The following CDH1 variants were observed in gnomAD, a reference collection of about 807,000 sequenced individuals.
CDH1 encodes the protein cadherin-1.
A neutral mutation model predicts 84.5 loss-of-function variants in CDH1; 35 were observed. The observed-to-expected ratio is 0.41, with a 90% confidence interval of 0.32 to 0.55. CDH1 has a LOEUF of 0.55. Among genes scored for constraint, CDH1 ranks in the 20% least tolerant of loss-of-function variants. The pLI is 0.19. For missense variants in CDH1, 994 were observed against 1,126.6 expected, an observed-to-expected ratio of 0.88 and a Z score of 1.68; for synonymous variants, 417 against 439.0, an observed-to-expected ratio of 0.95 and a Z score of 0.63.
At chr16:68,814,796 G>A (rs1029108042) in intron 9 of CDH1, among the ~76,000 whole-genome samples, 6 of 151,724 alleles carry the variant, frequency 4.0e-5, no homozygotes, top group South Asian at 2.1e-4. Context: ...AGTGTATGGC[G>A]GTGGGCCCAA....
chr16:68,740,568 T>TG (rs1165017335), intron 2 of CDH1, among the ~76,000 whole-genome samples: 1 of 152,038 alleles, frequency 6.6e-6, no homozygotes, highest in Admixed American at 6.6e-5. Flanking sequence ...AGCATGCGTC[T>TG]GGGGTGTCCC....
chr16:68,822,511 C>T (rs904468032), intron 12 of CDH1: 1 of 548,656 alleles, frequency 1.8e-6, no homozygotes, highest in African/African-American at 1.9e-5. Context: ...CCAGGACCAT[C>T]TTCTCTGCTA....
At chr16:68,828,949 G>A (rs1020034000) in intron 14 of CDH1, among the ~76,000 whole-genome samples, 2 of 152,144 alleles carry the variant, frequency 1.3e-5, no homozygotes, top group African/African-American at 4.8e-5. Context: ...GGTGTACAGA[G>A]AAAAATATTG....
chr16:68,815,381 G>T, intron 9 of CDH1, 134 bp from the exon 10 acceptor site: 18 of 1,152,392 alleles, frequency 1.6e-5, no homozygotes, highest in Non-Finnish European at 2.2e-5. Context: ...GCCATTGAAA[G>T]TCATGGCAGA....
intron 2 of CDH1, among the ~76,000 whole-genome samples, chr16:68,779,426 C>T (rs1597869173): frequency 2.6e-5 from 4 of 152,212 alleles, no homozygotes; most frequent in Admixed American, 2.6e-4. Context: ...GTTATAGCTA[C>T]GTGGCCTTGG....
chr16:68,810,442 C>T lies in CDH1; in HGVS notation c.832+101C>T, dbSNP rs903967783. On this transcript the variant is annotated intron_variant, in intron 6 of 15. Transcript: ENST00000261769. ...CAAAGGTTGTGTAACTAAAGCTGAT[C>T]CTTCCTACGGACAGAACTTCTTGGC... The T allele has an allele frequency of 7.1e-6, 8 of 1,131,194 alleles. No individual in the cohort carries two copies. The South Asian group carries it at 7.5e-5, about 11-fold the overall frequency. 70.1% of individuals were successfully genotyped at this position (1,131,194 alleles called of 1,614,324 possible).
At chr16:68,739,929 T>A (rs1391374174) in intron 2 of CDH1, among the ~76,000 whole-genome samples, 1 of 152,136 alleles carries the variant, frequency 6.6e-6, no homozygotes, top group Non-Finnish European at 1.5e-5. Flanking sequence ...ATAATGATCT[T>A]TTTTTAAAAA....
At chr16:68,809,411 A>G (rs938764736) in intron 5 of CDH1, among the ~76,000 whole-genome samples, 1 of 152,148 alleles carries the variant, frequency 6.6e-6, no homozygotes, top group African/African-American at 2.4e-5. Context: ...CATGTTGGCC[A>G]GAGTGGTCTC....
Position 68,783,915 on chromosome 16 carries a change from A to T in CDH1, c.164-17755A>T, listed in dbSNP as rs1344160205. On this transcript the variant is annotated intron_variant, in intron 2 of 15. Transcript: ENST00000261769. ...TGGTCCTGAACTCCTGACCTCAAGC[A>T]ATCTACCCACCTCGGCCTCCCAAAG... Among the ~76,000 whole-genome samples the T allele has an allele frequency of 3.9e-5, 6 of 152,138 alleles. No homozygotes were observed. In the East Asian group the frequency reaches 1.2e-3, roughly 29 times the overall value.
chr16:68,744,557 C>T (rs1415930482), intron 2 of CDH1, among the ~76,000 whole-genome samples: 1 of 152,206 alleles, frequency 6.6e-6, no homozygotes, highest in South Asian at 2.1e-4. Flanking sequence ...TCCCTTTCTG[C>T]ACTTTTCATC....
intron 2 of CDH1, among the ~76,000 whole-genome samples, chr16:68,770,664 TTG>T (rs1959547280): frequency 6.6e-6 from 1 of 151,372 alleles, no homozygotes; most frequent in African/African-American, 2.4e-5. Context: ...AGGAGGATGT[TTG>T]TGTGGTACCT....
chr16:68,782,319 C>G (rs2152122164), intron 2 of CDH1, among the ~76,000 whole-genome samples: 1 of 152,336 alleles, frequency 6.6e-6, no homozygotes, highest in South Asian at 2.1e-4. Context: ...GGCACTGCCT[C>G]TCCTTAGGGT....
chr16:68,767,067 G>A (rs559185051), intron 2 of CDH1, among the ~76,000 whole-genome samples: 2 of 152,148 alleles, frequency 1.3e-5, no homozygotes, highest in South Asian at 4.1e-4. Flanking sequence ...ACCCAGAGAA[G>A]TTCATTTAGC....
rs730881665 is a variant in CDH1 at position 68,813,464 on chromosome 16, T to G, written c.1289T>G (p.Val430Gly). ...GGQFVVTTNP[V>G]NNDGILKTAK... ...CAATTTGTCGTCACCACAAATCCAG[T>G]GAACAACGATGGCATTTTGAAAACA... The change falls in exon 9 of 16, where the codon GTG (valine) becomes GGG (glycine). Residue 430 changes from valine (V) to glycine (G), a missense_variant. Val to Gly is a moderately radical substitution (Grantham distance 109). Transcript: ENST00000261769. The G allele has an allele frequency of 7.4e-6, 12 of 1,614,056 alleles. No individual in the cohort carries two copies. The African/African-American group carries it at 1.6e-4, about 22-fold the overall frequency.
intron 15 of CDH1, 118 bp from the exon 16 acceptor site, chr16:68,833,172 G>T: frequency 1.2e-6 from 1 of 821,812 alleles, no homozygotes; most frequent in Non-Finnish European, 2.1e-6. Context: ...TCACTGCTCC[G>T]TGGTGTGCCA....
intron 2 of CDH1, among the ~76,000 whole-genome samples, chr16:68,761,228 A>T (rs1157381897): frequency 6.6e-6 from 1 of 152,228 alleles, no homozygotes; most frequent in Non-Finnish European, 1.5e-5. Context: ...GAACCCGGAC[A>T]GCAGGTCCTC....
At chr16:68,782,778 C>T (rs1312323443) in intron 2 of CDH1, among the ~76,000 whole-genome samples, 1 of 152,174 alleles carries the variant, frequency 6.6e-6, no homozygotes, top group Admixed American at 6.6e-5. Flanking sequence ...GAGCCCGTTT[C>T]CTGCCCCTCA....
intron 2 of CDH1, among the ~76,000 whole-genome samples, chr16:68,776,573 T>A (rs1050556580): frequency 6.6e-6 from 1 of 152,210 alleles, no homozygotes; most frequent in Admixed American, 6.5e-5. Context: ...CTCACTATAT[T>A]GCCCAGGCTA....
At chr16:68,798,414 C>T (rs1206563723) in intron 2 of CDH1, among the ~76,000 whole-genome samples, 3 of 152,072 alleles carry the variant, frequency 2.0e-5, no homozygotes, top group African/African-American at 7.2e-5. Context: ...AAGAACCTTT[C>T]AATCTTTCCT....
Sources: gnomAD v4.1 joint callset for allele counts (sites outside exome capture counted in the v4.1 genomes callset) on GRCh38, gnomAD v4.1.1 for gene constraint, MANE v1.5 for transcripts, NCBI Gene and HGNC (gene_info 2026-07-23, HGNC 2026-07-21) for gene names.